The following DNAJC5B variants were observed in gnomAD, a reference collection of about 807,000 sequenced individuals.
The protein encoded by DNAJC5B is dnaJ homolog subfamily C member 5B.
A neutral mutation model predicts 24.7 loss-of-function variants in DNAJC5B; 23 were observed. That is an observed-to-expected ratio of 0.93 (90% CI 0.67 to 1.32). The LOEUF (loss-of-function observed/expected upper bound fraction) is 1.32, where lower values mean the gene tolerates loss of function less well. DNAJC5B is among the 40% of genes most tolerant of loss of function. DNAJC5B has a pLI of 0.00. For synonymous variants in DNAJC5B, 101 were observed against 90.1 expected (o/e 1.12, Z -0.68); for missense variants, 238 against 240.8 (o/e 0.99, Z 0.08).
At chr8:66,057,158 A>C (rs980720835) in intron 3 of DNAJC5B, 1 of 152,162 alleles carries the variant, frequency 6.6e-6, no homozygotes, top group African/African-American at 2.4e-5. Context: ...AAATAAATAA[A>C]GTAACCATCA....
chr8:66,050,646 A>G (rs1195814343), intron 2 of DNAJC5B, among the ~76,000 whole-genome samples: 1 of 152,240 alleles, frequency 6.6e-6, no homozygotes, highest in Non-Finnish European at 1.5e-5. Context: ...GAAAAGCACA[A>G]GATGCAGTGG....
At chr8:66,064,751 G>T (rs10095531) in intron 3 of DNAJC5B, among the ~76,000 whole-genome samples, 6,524 of 152,232 alleles carry the variant, frequency 0.043, 470 homozygotes, top group African/African-American at 0.15. Context: ...TCTTAGTGGC[G>T]TGCTAAAAGC....
intron 3 of DNAJC5B, among the ~76,000 whole-genome samples, chr8:66,053,693 G>A (rs1252014177): frequency 2.0e-5 from 3 of 150,628 alleles, no homozygotes; most frequent in Admixed American, 6.6e-5. Flanking sequence ...GCAATGGCGC[G>A]ATCTCGGCTC....
intron 5 of DNAJC5B, among the ~76,000 whole-genome samples, chr8:66,093,879 C>T (rs1807897008): frequency 6.6e-6 from 1 of 152,040 alleles, no homozygotes. Flanking sequence ...AGTTTAATCA[C>T]CTGGAATTGA....
chr8:66,039,658 A>G (rs976861509), intron 1 of DNAJC5B, among the ~76,000 whole-genome samples: 2 of 152,032 alleles, frequency 1.3e-5, no homozygotes, highest in Non-Finnish European at 2.9e-5. Context: ...CCCACTTTAT[A>G]CTTTTTAGGG....
At chr8:66,067,092 G>A (rs1324138556) in intron 3 of DNAJC5B, among the ~76,000 whole-genome samples, 1 of 152,102 alleles carries the variant, frequency 6.6e-6, no homozygotes, top group Non-Finnish European at 1.5e-5. Context: ...GTGATCATCA[G>A]GAGTTTCCTG....
chr8:66,026,241 T>A (rs1806241102), intron 1 of DNAJC5B, among the ~76,000 whole-genome samples: 1 of 150,252 alleles, frequency 6.7e-6, no homozygotes, highest in Non-Finnish European at 1.5e-5. Flanking sequence ...TGTTGGTGTA[T>A]AAGAATGCTT....
chr8:66,081,524 G>A (rs1167846339), intron 5 of DNAJC5B, among the ~76,000 whole-genome samples: 1 of 152,158 alleles, frequency 6.6e-6, no homozygotes, highest in Non-Finnish European at 1.5e-5. Context: ...ATTGTACTCT[G>A]ATTCTTTTGA....
At chr8:66,051,235 CT>C (rs1470158507) in intron 2 of DNAJC5B, among the ~76,000 whole-genome samples, 4 of 152,160 alleles carry the variant, frequency 2.6e-5, no homozygotes, top group African/African-American at 9.7e-5. Context: ...TTTGCCTGGC[CT>C]TTGAGGATTG....
chr8:66,092,055 C>T (rs1807860272), intron 5 of DNAJC5B, among the ~76,000 whole-genome samples: 1 of 152,062 alleles, frequency 6.6e-6, no homozygotes, highest in African/African-American at 2.4e-5. Flanking sequence ...GACTGGGTTC[C>T]CTTTTGGGGA....
chr8:66,016,125 G>A, the DNAJC5B span, among the ~76,000 whole-genome samples: 71,420 of 152,162 alleles, frequency 0.47, 21,557 homozygotes, highest in African/African-American at 0.86. Context: ...CACATCCTCT[G>A]GAAGGGTCAA....
At chr8:66,094,184 T>C (rs1218411078) in intron 5 of DNAJC5B, among the ~76,000 whole-genome samples, 1 of 152,112 alleles carries the variant, frequency 6.6e-6, no homozygotes, top group East Asian at 1.9e-4. Flanking sequence ...AAAATCAGGT[T>C]TTTGTCAAGT....
At chr8:66,042,626 C>T (rs931149922) in intron 1 of DNAJC5B, among the ~76,000 whole-genome samples, 7 of 148,814 alleles carry the variant, frequency 4.7e-5, no homozygotes, top group Admixed American at 1.4e-4. Context: ...TCTTCTTCTC[C>T]TTCTCCTTCT....
intron 3 of DNAJC5B, among the ~76,000 whole-genome samples, chr8:66,056,082 A>G (rs1453424720): frequency 6.6e-6 from 1 of 152,220 alleles, no homozygotes; most frequent in Non-Finnish European, 1.5e-5. Context: ...GAACTCTGAA[A>G]GGTAGAAAGA....
At chr8:66,047,816 T>A (rs1806755297) in intron 2 of DNAJC5B, among the ~76,000 whole-genome samples, 1 of 152,220 alleles carries the variant, frequency 6.6e-6, no homozygotes, top group South Asian at 2.1e-4. Flanking sequence ...TAATGTTTTG[T>A]TGAGCATAAA....
upstream of DNAJC5B, among the ~76,000 whole-genome samples, chr8:66,019,037 G>A (rs1806037257): frequency 6.6e-6 from 1 of 152,164 alleles, no homozygotes; most frequent in Admixed American, 6.6e-5. Flanking sequence ...TGCTACAGGT[G>A]TGCACCTGTT....
chr8:66,073,832 A>G (rs1807405062), intron 3 of DNAJC5B, among the ~76,000 whole-genome samples: 1 of 152,200 alleles, frequency 6.6e-6, no homozygotes, highest in Non-Finnish European at 1.5e-5. Flanking sequence ...TCAGGTATCA[A>G]TGGGCCATAG....
intron 5 of DNAJC5B, 65 bp downstream of exon 5, chr8:66,080,613 C>T: frequency 7.2e-7 from 1 of 1,397,918 alleles, no homozygotes. Context: ...CACCAGGTCC[C>T]ACGGGGACAG....
chr8:66,051,755 C>G lies in DNAJC5B; in HGVS notation c.119+89C>G, dbSNP rs963221875. 18 of 965,608 alleles carry G rather than the reference C, an allele frequency of 1.9e-5. No homozygotes were observed. In the African/African-American group the frequency reaches 2.8e-4, roughly 15 times the overall value. The allele number at this position is 965,608 out of a possible 1,614,324, so 59.8% of individuals were successfully genotyped here. On this transcript the variant is annotated intron_variant, in intron 3 of 5. Coordinates refer to ENST00000276570, the MANE Select transcript of DNAJC5B (RefSeq NM_033105.6). ...CTCCATTAAAGACATAAGCTTCTCA[C>G]TAAGACCAGTAATCCAAATTTTAGA...
Sources: allele counts gnomAD v4.1 joint callset (sites outside exome capture counted in the v4.1 genomes callset), GRCh38; gene constraint gnomAD v4.1.1; transcripts MANE v1.5; gene names NCBI Gene and HGNC (gene_info 2026-07-23, HGNC 2026-07-21).